The following ST6GALNAC3 variants were observed in gnomAD, a reference collection of about 807,000 sequenced individuals.
ST6GALNAC3 encodes the protein alpha-N-acetylgalactosaminide alpha-2,6-sialyltransferase 3.
A neutral mutation model predicts 32.7 loss-of-function variants in ST6GALNAC3; 25 were observed. The ratio of observed to expected loss-of-function variants is 0.76; its 90% CI spans 0.56 to 1.07. The LOEUF (loss-of-function observed/expected upper bound fraction) is 1.07, where lower values mean the gene tolerates loss of function less well. ST6GALNAC3 is among the 50% of genes least tolerant of loss of function. The probability of loss-of-function intolerance (pLI) is 0.00; values close to 1 mark genes in which losing one functional copy is unlikely to be tolerated. For synonymous variants in ST6GALNAC3, 129 were observed against 133.1 expected, an observed-to-expected ratio of 0.97 and a Z score of 0.21; for missense variants, 355 against 382.4, an observed-to-expected ratio of 0.93 and a Z score of 0.60.
intron 1 of ST6GALNAC3, among the ~76,000 whole-genome samples, chr1:76,240,078 CTT>C (rs1656881917): frequency 1.3e-5 from 2 of 152,194 alleles, no homozygotes. Flanking sequence ...CTATTACTAA[CTT>C]AGCCTCATGA....
In ST6GALNAC3 at chr1:76,628,892, T is replaced by C; in HGVS notation, c.*86T>C. On this transcript the variant is annotated 3_prime_UTR_variant, in exon 5 of 5. Coordinates refer to ENST00000328299, the MANE Select transcript of ST6GALNAC3 (RefSeq NM_152996.4). The stretch of plus-strand genomic sequence containing the variant: ...CTGATGATGCTAATGGAGATGATGG[T>C]AATGATAAAGACAACAACAATGATT... 6.4e-7 allele frequency: 1 copy of C among 1,567,562 alleles called. No homozygotes were observed. Among genetic ancestry groups the C allele is most frequent in the East Asian group, 2.3e-5 (1 of 44,350 alleles).
chr1:76,351,923 T>A (rs1204810869), intron 2 of ST6GALNAC3, among the ~76,000 whole-genome samples: 1 of 152,086 alleles, frequency 6.6e-6, no homozygotes, highest in African/African-American at 2.4e-5. Flanking sequence ...AAATTCATGT[T>A]GAGGAGGTTG....
intron 1 of ST6GALNAC3, among the ~76,000 whole-genome samples, chr1:76,300,954 G>T (rs1468008246): frequency 6.6e-6 from 1 of 151,960 alleles, no homozygotes; most frequent in Non-Finnish European, 1.5e-5. Context: ...AGAAGACATT[G>T]CATGAGGAAA....
In ST6GALNAC3 at chr1:76,599,712, C is replaced by T. The variant is rs977554748; in HGVS notation, c.624-27740C>T. On this transcript the variant is annotated intron_variant, in intron 3 of 4. Coordinates refer to ENST00000328299, the MANE Select transcript of ST6GALNAC3 (RefSeq NM_152996.4). ...TTGATTATTTTATTCCTCCCACTAC[C>T]GTATCGTGTGTGTGTGTGTGTGTGT... Among the ~76,000 whole-genome samples, 12 of 131,298 alleles carry T rather than the reference C, an allele frequency of 9.1e-5. No individual in the cohort carries two copies. In the South Asian group the frequency reaches 1.6e-3, roughly 18 times the overall value. The allele number at this position is 131,298 out of a possible 152,430, so 86.1% of individuals were successfully genotyped here.
intron 3 of ST6GALNAC3, among the ~76,000 whole-genome samples, chr1:76,476,364 A>G (rs1196804681): frequency 1.3e-5 from 2 of 152,128 alleles, no homozygotes; most frequent in East Asian, 3.9e-4. Context: ...AAAACAGGCT[A>G]TTGGTGGGAT....
chr1:76,426,858 G>A (rs1046195654), intron 3 of ST6GALNAC3, among the ~76,000 whole-genome samples: 17 of 151,938 alleles, frequency 1.1e-4, no homozygotes, highest in Admixed American at 3.3e-4. Flanking sequence ...ATAATCCTAT[G>A]AGACCATGGT....
At chr1:76,587,941 T>A (rs964071875) in intron 3 of ST6GALNAC3, among the ~76,000 whole-genome samples, 2 of 151,800 alleles carry the variant, frequency 1.3e-5, no homozygotes, top group African/African-American at 4.8e-5. Context: ...TTGAGGAGAG[T>A]AAAGAGGGCA....
At chr1:76,419,937 T>C (rs1169116964) in intron 3 of ST6GALNAC3, among the ~76,000 whole-genome samples, 1 of 131,838 alleles carries the variant, frequency 7.6e-6, no homozygotes, top group Non-Finnish European at 1.7e-5. Flanking sequence ...TTGTTCTTTC[T>C]TTCTTTCTTT....
intron 1 of ST6GALNAC3, among the ~76,000 whole-genome samples, chr1:76,101,095 T>C (rs1277926635): frequency 6.6e-6 from 1 of 152,136 alleles, no homozygotes; most frequent in East Asian, 1.9e-4. Context: ...TTTGGACAAA[T>C]ATATCCACCA....
At chr1:76,126,604 G>C (rs1319840279) in intron 1 of ST6GALNAC3, among the ~76,000 whole-genome samples, 3 of 152,116 alleles carry the variant, frequency 2.0e-5, no homozygotes, top group African/African-American at 7.2e-5. Flanking sequence ...CTTTTGCTCT[G>C]AGACGCAGCA....
intron 1 of ST6GALNAC3, among the ~76,000 whole-genome samples, chr1:76,135,726 CT>C (rs1490183834): frequency 6.6e-6 from 1 of 152,196 alleles, no homozygotes; most frequent in Non-Finnish European, 1.5e-5. Context: ...AGGATTTCTC[CT>C]TTCAGGCAAC....
At chr1:76,490,149 C>T (rs1035663692) in intron 3 of ST6GALNAC3, among the ~76,000 whole-genome samples, 3 of 152,088 alleles carry the variant, frequency 2.0e-5, no homozygotes, top group Admixed American at 6.6e-5. Context: ...AAATAGCCCA[C>T]GGACCTTTCG....
chr1:76,492,094 A>T (rs141568566), intron 3 of ST6GALNAC3, among the ~76,000 whole-genome samples: 120 of 152,318 alleles, frequency 7.9e-4, no homozygotes, highest in African/African-American at 2.8e-3. Context: ...TAAAGTACAG[A>T]CAAGTGAAGT....
Position 76,197,902 on chromosome 1 carries a change from C to T in ST6GALNAC3, c.19-115903C>T, listed in dbSNP as rs539609626. Among the ~76,000 whole-genome samples, 3 of 152,292 alleles carry T rather than the reference C, an allele frequency of 2.0e-5. No individual in the cohort carries two copies. In the South Asian group the frequency reaches 6.2e-4, roughly 32 times the overall value. On this transcript the variant is annotated intron_variant, in intron 1 of 4. Coordinates refer to ENST00000328299, the MANE Select transcript of ST6GALNAC3 (RefSeq NM_152996.4). ...CTAAATACCAAGAGTGACTCCCATC[C>T]CTCCAGTTTTGACAACTAAAATGGT...
At chr1:76,091,852 T>TA (rs1374179278) in intron 1 of ST6GALNAC3, among the ~76,000 whole-genome samples, 1 of 152,238 alleles carries the variant, frequency 6.6e-6, no homozygotes, top group South Asian at 2.1e-4. Flanking sequence ...CAACTACACT[T>TA]ACGGATGTGG....
chr1:76,368,807 G>A (rs765085881), intron 2 of ST6GALNAC3, among the ~76,000 whole-genome samples: 12 of 152,022 alleles, frequency 7.9e-5, no homozygotes, highest in African/African-American at 2.7e-4. Context: ...ACTATATCTC[G>A]GCTCCAGTGG....
chr1:76,319,067 G>A (rs1381201569), intron 2 of ST6GALNAC3, among the ~76,000 whole-genome samples: 1 of 152,172 alleles, frequency 6.6e-6, no homozygotes, highest in African/African-American at 2.4e-5. Flanking sequence ...CTAGATGAAA[G>A]GATCCAGCTT....
At chr1:76,421,701 C>G (rs993057864) in intron 3 of ST6GALNAC3, among the ~76,000 whole-genome samples, 3 of 151,966 alleles carry the variant, frequency 2.0e-5, no homozygotes, top group Admixed American at 2.0e-4. Flanking sequence ...TTTTTAAATG[C>G]CTTCATGATG....
At chr1:76,429,055 T>A (rs2101430351) in intron 3 of ST6GALNAC3, among the ~76,000 whole-genome samples, 1 of 152,250 alleles carries the variant, frequency 6.6e-6, no homozygotes, top group Middle Eastern at 3.4e-3. Context: ...CATGTTTTAG[T>A]TAAAAATAAC....
Sources: gnomAD v4.1 joint callset for allele counts (sites outside exome capture counted in the v4.1 genomes callset) on GRCh38, gnomAD v4.1.1 for gene constraint, MANE v1.5 for transcripts, NCBI Gene and HGNC (gene_info 2026-07-23, HGNC 2026-07-21) for gene names.